The following AGAP1 variants were observed in gnomAD, a reference collection of about 807,000 sequenced individuals.
AGAP1 encodes the protein ArfGAP with GTPase domain, ankyrin repeat and PH domain 1, also known as arf-GAP with GTPase, ANK repeat and PH domain-containing protein 1.
Under a neutral mutation model 105.3 loss-of-function variants are expected in AGAP1, and 29 were observed. The ratio of observed to expected loss-of-function variants is 0.28; its 90% CI spans 0.21 to 0.38. The LOEUF (loss-of-function observed/expected upper bound fraction) is 0.38, where lower values mean the gene tolerates loss of function less well. Ranked by LOEUF, AGAP1 falls within the 10% of genes least tolerant of loss-of-function variation. The pLI, the probability that AGAP1 is intolerant of heterozygous loss-of-function variation, is 1.00. For synonymous variants in AGAP1, 509 were observed against 485.9 expected (o/e 1.05, Z -0.63); for missense variants, 998 against 1,165.1 (o/e 0.86, Z 2.09).
In AGAP1 at chr2:235,709,215, G is replaced by T; in HGVS notation, c.200G>T (p.Arg67Leu). ...FVNSQEWTLS[R>L]SVPELKVGIV... Reference sequence around the variant, plus strand: ...AACAGCCAGGAATGGACGCTGAGTCGATCTGTCCCGGAGCTCAAAGTGGTG... The same window carrying T: ...AACAGCCAGGAATGGACGCTGAGTCTATCTGTCCCGGAGCTCAAAGTGGTG... The change falls in exon 2 of 18, where the codon CGA becomes CTA. Residue 67 changes from arginine to leucine, a missense_variant. Physicochemically the swap from Arg to Leu is moderately radical, Grantham distance 102 (BLOSUM62 -2). Around this residue, in one of 3 missense-constraint regions of AGAP1, gnomAD observed 735 missense variants for 833.4 expected, o/e 0.88. Coordinates refer to ENST00000304032, the MANE Select transcript of AGAP1 (RefSeq NM_001037131.3). The T allele has an allele frequency of 6.2e-7, 1 of 1,614,040 alleles. No homozygotes were observed. The highest frequency in any genetic ancestry group is 1.7e-5 in the Admixed American group (1 of 60,004).
intron 1 of AGAP1, among the ~76,000 whole-genome samples, chr2:235,653,292 T>G (rs11687531): frequency 6.6e-6 from 1 of 151,446 alleles, no homozygotes; most frequent in East Asian, 2.0e-4. Context: ...GGTGAAACAC[T>G]GTCTCTCCTA....
chr2:236,061,476 G>A lies in AGAP1; in HGVS notation c.2114+12195G>A, dbSNP rs1358515533. Among the ~76,000 whole-genome samples the A allele has an allele frequency of 1.3e-5, 2 of 152,192 alleles. No homozygotes were observed. Among genetic ancestry groups the A allele is most frequent in the Admixed American group, 6.5e-5 (1 of 15,282 alleles). ...GGTGTCCCTCTGTGGATGAATGGGT[G>A]AACAAAACATGGTCTGTCCGTACAC... On this transcript the variant is annotated intron_variant, in intron 16 of 17. Transcript: ENST00000304032. The surrounding 1 kb of genome is among the most constrained non-coding windows in gnomAD (Gnocchi z 4.1).
intron 1 of AGAP1, among the ~76,000 whole-genome samples, chr2:235,568,444 A>G (rs964980944): frequency 1.3e-5 from 2 of 152,156 alleles, no homozygotes; most frequent in Non-Finnish European, 2.9e-5. Context: ...CTCCTTGATG[A>G]AGTGAAGCCA....
intron 1 of AGAP1, among the ~76,000 whole-genome samples, chr2:235,606,747 G>A (rs987602114): frequency 3.3e-5 from 5 of 152,052 alleles, no homozygotes; most frequent in Non-Finnish European, 5.9e-5. Flanking sequence ...TCAGGGGATC[G>A]AGACCAGTGT....
intron 1 of AGAP1, among the ~76,000 whole-genome samples, chr2:235,533,526 A>G (rs1943111511): frequency 6.6e-6 from 1 of 152,222 alleles, no homozygotes; most frequent in Non-Finnish European, 1.5e-5. Flanking sequence ...GATCAAAACA[A>G]AGATTTTGCT....
rs1291300609 is a variant in AGAP1, at chr2:236,089,459, C to G, written c.2115-30733C>G. On this transcript the variant is annotated intron_variant, in intron 16 of 17. Coordinates refer to ENST00000304032, the MANE Select transcript of AGAP1 (RefSeq NM_001037131.3). The surrounding 1 kb of genome is among the most constrained non-coding windows in gnomAD (Gnocchi z 5.6). The stretch of plus-strand genomic sequence containing the variant: ...AAAGCGCCTACTAGGCTGCCGGGTA[C>G]TGGCAGAAGAGAGTGAGCGTAGCAA... Among the ~76,000 whole-genome samples, 1 of 152,212 alleles carries G rather than the reference C, an allele frequency of 6.6e-6. No homozygotes were observed. Among genetic ancestry groups the G allele is most frequent in the Non-Finnish European group, 1.5e-5 (1 of 68,040 alleles).
intron 1 of AGAP1, among the ~76,000 whole-genome samples, chr2:235,703,555 C>T (rs1248464506): frequency 7.1e-6 from 1 of 141,644 alleles, no homozygotes; most frequent in African/African-American, 2.6e-5. Flanking sequence ...TTCTCCCCTC[C>T]CCCTCCTTCC....
chr2:235,656,341 G>T (rs1947769587), intron 1 of AGAP1, among the ~76,000 whole-genome samples: 1 of 152,192 alleles, frequency 6.6e-6, no homozygotes, highest in African/African-American at 2.4e-5. Flanking sequence ...GAAGCTAATT[G>T]TTAGATATGA....
At chr2:235,727,118 T>G (rs1203864932) in intron 3 of AGAP1, among the ~76,000 whole-genome samples, 2 of 152,192 alleles carry the variant, frequency 1.3e-5, no homozygotes, top group Non-Finnish European at 2.9e-5. Flanking sequence ...AGTCAGGTGC[T>G]TTTCCCTAAA....
chr2:235,658,982 TCTCA>T (rs1947863251), intron 1 of AGAP1, among the ~76,000 whole-genome samples: 1 of 152,182 alleles, frequency 6.6e-6, no homozygotes, highest in Non-Finnish European at 1.5e-5. Context: ...TCCCTTCTGC[TCTCA>T]CTCTGAAGCA....
intron 16 of AGAP1, among the ~76,000 whole-genome samples, chr2:236,102,317 A>T (rs569040626): frequency 2.8e-4 from 37 of 132,546 alleles, no homozygotes; most frequent in East Asian, 1.8e-3. Context: ...CTCAGGAGGC[A>T]GAGGCAAGGA....
rs1952479967 is a variant in AGAP1, at chr2:235,739,956, T to C, written c.311-1007T>C. Reference sequence around the variant, plus strand: ...CCTCTGGGTCCAGCGATTTGGGGTTTAGACAGGGTTTCTGGACGGCATCTG... The same window carrying C: ...CCTCTGGGTCCAGCGATTTGGGGTTCAGACAGGGTTTCTGGACGGCATCTG... On this transcript the variant is annotated intron_variant, in intron 3 of 17. Transcript: ENST00000304032. The surrounding 1 kb of genome is among the most constrained non-coding windows in gnomAD (Gnocchi z 5.3). Among the ~76,000 whole-genome samples, 1 of 152,204 alleles carries C rather than the reference T, an allele frequency of 6.6e-6. No homozygotes were observed. The highest frequency in any genetic ancestry group is 6.5e-5 in the Admixed American group (1 of 15,290).
Position 235,883,269 on chromosome 2 carries a change from A to G in AGAP1, c.1051-76A>G, listed in dbSNP as rs1458799955. On this transcript the variant is annotated intron_variant, in intron 9 of 17. Coordinates refer to ENST00000304032, the MANE Select transcript of AGAP1 (RefSeq NM_001037131.3). The surrounding 1 kb of genome is among the most constrained non-coding windows in gnomAD (Gnocchi z 4.5). Reference sequence around the variant, plus strand: ...CTGCACACACACAGAACTTGAATGTATATGTTGCCTGTGTACCTGCCTTTT... The same window carrying G: ...CTGCACACACACAGAACTTGAATGTGTATGTTGCCTGTGTACCTGCCTTTT... The G allele has an allele frequency of 1.8e-5, 22 of 1,249,486 alleles. No individual in the cohort carries two copies. The highest frequency in any genetic ancestry group is 1.1e-4 in the Admixed American group (6 of 55,258). 77.4% of individuals were successfully genotyped at this position (1,249,486 alleles called of 1,614,324 possible). A position where few individuals can be genotyped will look rare whatever the true frequency, so the allele number is the denominator to read the frequency against.
chr2:235,718,227 A>G (rs1268883463), intron 3 of AGAP1, among the ~76,000 whole-genome samples: 1 of 152,186 alleles, frequency 6.6e-6, no homozygotes, highest in Non-Finnish European at 1.5e-5. Flanking sequence ...AATGGTAGGA[A>G]GCATTTAGCT....
At chr2:235,910,947 G>A (rs1047621823) in intron 11 of AGAP1, among the ~76,000 whole-genome samples, 11 of 151,648 alleles carry the variant, frequency 7.3e-5, no homozygotes, top group African/African-American at 2.7e-4. Context: ...CACCTATTTT[G>A]TGCCAGAAGT....
rs987582207 is a variant in AGAP1, at chr2:235,553,872, G to A, written c.163+59023G>A. Among the ~76,000 whole-genome samples, 1 of 152,208 alleles carries A rather than the reference G, an allele frequency of 6.6e-6. No individual in the cohort carries two copies. Among genetic ancestry groups the A allele is most frequent in the East Asian group, 1.9e-4 (1 of 5,194 alleles). ...CTTGATAAGTGAAAGGAACTTCCAC[G>A]TAAGGATCCCGAAGCACGGTTGCCT... On this transcript the variant is annotated intron_variant, in intron 1 of 17. Transcript: ENST00000304032. The surrounding 1 kb of genome is among the most constrained non-coding windows in gnomAD (Gnocchi z 4.5).
rs2059964187 is a variant in AGAP1, at chr2:236,124,055, C to A, written c.2507C>A (p.Thr836Asn). 1 of 1,613,992 alleles carries A rather than the reference C, an allele frequency of 6.2e-7. No individual in the cohort carries two copies. Among genetic ancestry groups the A allele is most frequent in the African/African-American group, 1.3e-5 (1 of 74,916 alleles). Reference sequence around the variant, plus strand: ...GACGAGCGCTTCGTGCTCATGGCCACCCCTAACCTGTCCAGGAGAAACAAT... The same window carrying A: ...GACGAGCGCTTCGTGCTCATGGCCAACCCTAACCTGTCCAGGAGAAACAAT... ...CPDERFVLMA[T>N]PNLSRRNNNR... The change falls in exon 18 of 18, where the codon ACC (threonine) becomes AAC (asparagine). Residue 836 changes from threonine to asparagine, a missense_variant. Transcript: ENST00000304032. The surrounding 1 kb of genome is among the most constrained non-coding windows in gnomAD (Gnocchi z 5.1).
chr2:235,878,162 A>G (rs949107643), intron 9 of AGAP1, among the ~76,000 whole-genome samples: 5 of 152,212 alleles, frequency 3.3e-5, no homozygotes, highest in Non-Finnish European at 5.9e-5. Flanking sequence ...TAAGATCCAT[A>G]GGAGGGCAGG....
intron 1 of AGAP1, chr2:235,671,050 G>T (rs1948389414): frequency 1.6e-6 from 2 of 1,280,850 alleles, no homozygotes; most frequent in South Asian, 5.3e-5. Flanking sequence ...ACGGCTCCCC[G>T]CGCAGAGGTG....
Sources: gnomAD v4.1 joint callset for allele counts (sites outside exome capture counted in the v4.1 genomes callset) on GRCh38, gnomAD v4.1.1 for gene constraint, gnomAD v4.1.1 regional missense constraint, Gnocchi (gnomAD v3.1) non-coding constraint, MANE v1.5 for transcripts, NCBI Gene and HGNC (gene_info 2026-07-23, HGNC 2026-07-21) for gene names.